TM9SF3: variants seen among roughly 807,000 people sequenced by gnomAD.
TM9SF3 encodes transmembrane 9 superfamily member 3, also known as SM-11044-binding protein.
In TM9SF3, 14 loss-of-function variants were observed where a neutral mutation model predicts 78.6. The ratio of observed to expected loss-of-function variants is 0.18; its 90% confidence interval spans 0.12 to 0.28. The LOEUF is 0.28. Ranked by LOEUF, TM9SF3 falls within the 10% of genes least tolerant of loss-of-function variation. TM9SF3 has a pLI of 1.00. For missense variants in TM9SF3, 496 were observed against 721.9 expected, an observed-to-expected ratio of 0.69 and a Z score of 3.59; for synonymous variants, 231 against 241.7, an observed-to-expected ratio of 0.96 and a Z score of 0.41.
intron 2 of TM9SF3, 39 bp from the exon 3 acceptor site, chr10:96,565,465 G>A: frequency 6.7e-7 from 1 of 1,501,068 alleles, no homozygotes; most frequent in Non-Finnish European, 8.8e-7. Context: ...CCACTAGTTT[G>A]CAAAATAGTT....
chr10:96,535,305 T>TC (rs1455793616), intron 9 of TM9SF3, among the ~76,000 whole-genome samples: 1 of 152,188 alleles, frequency 6.6e-6, no homozygotes, highest in Non-Finnish European at 1.5e-5. Flanking sequence ...TGAAAAATAC[T>TC]CTAAGATTGC....
At position 96,520,609 on chromosome 10, in the gene TM9SF3, A is replaced by C. The variant is rs199818369; in HGVS notation, c.*1654T>G. 6.0e-5 allele frequency: 3 copies of C among 50,204 alleles called. No homozygotes were observed. Among genetic ancestry groups the C allele is most frequent in the Non-Finnish European group, 1.4e-4 (3 of 20,912 alleles). The allele number at this position is 50,204 out of a possible 1,614,324, so 3.1% of individuals were successfully genotyped here. A position where few individuals can be genotyped will look rare whatever the true frequency, so the allele number is the denominator to read the frequency against. On this transcript the variant is annotated 3_prime_UTR_variant, in exon 15 of 15. Coordinates refer to ENST00000371142, the MANE Select transcript of TM9SF3 (RefSeq NM_020123.4). The stretch of plus-strand genomic sequence containing the variant: ...TTTGCATAGCAAACTATTAAACTAG[A>C]AACTCAGTGGTTCTAGGAAAACTTC...
intron 8 of TM9SF3, among the ~76,000 whole-genome samples, chr10:96,547,476 G>A (rs999616802): frequency 1.3e-5 from 2 of 152,128 alleles, no homozygotes; most frequent in African/African-American, 2.4e-5. Context: ...AAGCAAGACA[G>A]AACACACAAT....
chr10:96,564,068 G>C (rs1848342512), intron 3 of TM9SF3, among the ~76,000 whole-genome samples: 1 of 150,326 alleles, frequency 6.7e-6, no homozygotes, highest in African/African-American at 2.5e-5. Flanking sequence ...AGGATTGCTT[G>C]AAGCCAGAAG....
chr10:96,537,696 G>C (rs909798383), intron 9 of TM9SF3, among the ~76,000 whole-genome samples: 3 of 152,298 alleles, frequency 2.0e-5, no homozygotes, highest in African/African-American at 7.2e-5. Flanking sequence ...GCTGGGCGTG[G>C]TGACGTGCAC....
intron 2 of TM9SF3, among the ~76,000 whole-genome samples, chr10:96,566,942 G>A (rs1184407219): frequency 6.6e-6 from 1 of 152,156 alleles, no homozygotes; most frequent in African/African-American, 2.4e-5. Flanking sequence ...TGGCAGTAGG[G>A]TACCTCACAG....
At chr10:96,573,695 T>C (rs565732036) in intron 2 of TM9SF3, among the ~76,000 whole-genome samples, 3 of 152,132 alleles carry the variant, frequency 2.0e-5, no homozygotes, top group African/African-American at 7.2e-5. Context: ...GGGTTTAAGA[T>C]TGCCAAATAA....
At chr10:96,582,501 C>T (rs945089639) in intron 1 of TM9SF3, among the ~76,000 whole-genome samples, 91 of 152,200 alleles carry the variant, frequency 6.0e-4, no homozygotes, top group African/African-American at 2.1e-3. Flanking sequence ...CTTCCAAGTG[C>T]TTTGAGTTTT....
chr10:96,585,593 T>C (rs1415595296), intron 1 of TM9SF3, among the ~76,000 whole-genome samples: 2 of 152,242 alleles, frequency 1.3e-5, no homozygotes, highest in African/African-American at 2.4e-5. Context: ...AGAGCTTTTA[T>C]TAGCTAAAAT....
chr10:96,557,094 C>A (rs1848242737), intron 5 of TM9SF3, among the ~76,000 whole-genome samples: 1 of 152,204 alleles, frequency 6.6e-6, no homozygotes. Context: ...CATCTCCCTT[C>A]CTTAGCAATT....
chr10:96,579,997 G>A (rs1212319389), intron 1 of TM9SF3, among the ~76,000 whole-genome samples: 2 of 152,224 alleles, frequency 1.3e-5, no homozygotes, highest in East Asian at 3.8e-4. Flanking sequence ...CACAGTCTGT[G>A]GGAAGAGAGT....
At position 96,520,743 on chromosome 10, in the gene TM9SF3, T is replaced by C. The variant is rs986939227; in HGVS notation, c.*1520A>G. On this transcript the variant is annotated 3_prime_UTR_variant, in exon 15 of 15. Coordinates refer to ENST00000371142, the MANE Select transcript of TM9SF3 (RefSeq NM_020123.4). ...TTAACCACTTTTACCCCATCCCCACTTTACACGGTACACCAACCTGAACAG... is the reference window on the plus strand; with the variant it reads ...TTAACCACTTTTACCCCATCCCCACCTTACACGGTACACCAACCTGAACAG... 2.5e-6 allele frequency: 1 copy of C among 393,302 alleles called. No homozygotes were observed. Among genetic ancestry groups the C allele is most frequent in the Non-Finnish European group, 4.5e-6 (1 of 222,214 alleles). The allele number at this position is 393,302 out of a possible 1,614,324, so 24.4% of individuals were successfully genotyped here.
rs570468172 is a variant in TM9SF3, at chr10:96,519,902, T to A, written c.*2361A>T. On this transcript the variant is annotated 3_prime_UTR_variant, in exon 15 of 15. Coordinates refer to ENST00000371142, the MANE Select transcript of TM9SF3 (RefSeq NM_020123.4). ...TATTCATTTAATGCTCTTAATGTAT[T>A]TGGAAATCAGAAAATTATTTTTCAC... 1 of 152,058 alleles carries A rather than the reference T, an allele frequency of 6.6e-6. No homozygotes were observed. The highest frequency in any genetic ancestry group is 1.5e-5 in the Non-Finnish European group (1 of 67,836). 9.4% of individuals were successfully genotyped at this position (152,058 alleles called of 1,614,324 possible). A position where few individuals can be genotyped will look rare whatever the true frequency, so the allele number is the denominator to read the frequency against.
chr10:96,527,580 A>C (rs184608463), intron 12 of TM9SF3, 84 bp from the exon 13 acceptor site: 1 of 1,123,028 alleles, frequency 8.9e-7, no homozygotes, highest in East Asian at 2.5e-5. Context: ...GAATTTAATA[A>C]AACATCCTTT....
chr10:96,574,584 A>C lies in TM9SF3; in HGVS notation c.298+2050T>G, dbSNP rs181954332. On this transcript the variant is annotated intron_variant, in intron 2 of 14. Transcript: ENST00000371142. ...AATCCCATTACTGGGCATATACCCCAAAAATTATAAATCATTCTACTATAA... is the reference window on the plus strand; with the variant it reads ...AATCCCATTACTGGGCATATACCCCCAAAATTATAAATCATTCTACTATAA... Among the ~76,000 whole-genome samples, 7 of 152,322 alleles carry C rather than the reference A, an allele frequency of 4.6e-5. No homozygotes were observed. The South Asian group carries it at 1.0e-3, about 23-fold the overall frequency.
At chr10:96,573,565 T>TA (rs1343284356) in intron 2 of TM9SF3, among the ~76,000 whole-genome samples, 1 of 152,226 alleles carries the variant, frequency 6.6e-6, no homozygotes, top group African/African-American at 2.4e-5. Context: ...CTTCTTTTTT[T>TA]AATCTGAAAG....
rs1847916939 is a variant in TM9SF3, at chr10:96,533,133, T to C, written c.1243A>G (p.Ile415Val). The C allele has an allele frequency of 6.2e-7, 1 of 1,614,082 alleles. No homozygotes were observed. ...TGACCTGACAGATTTCGGCCAAGTA[T>C]TGTACCAACAAGATTTAGAGGAAGA... ...VILPLNLVGT[I>V]LGRNLSGQPN... The change falls in exon 10 of 15, where the codon ATA becomes GTA. Residue 415 changes from isoleucine (I) to valine (V), a missense_variant. Ile to Val is a conservative substitution (Grantham distance 29, BLOSUM62 3). Coordinates refer to ENST00000371142, the MANE Select transcript of TM9SF3 (RefSeq NM_020123.4).
At chr10:96,553,176 C>A in intron 5 of TM9SF3, 117 bp from the exon 6 acceptor site, 1 of 1,150,184 alleles carries the variant, frequency 8.7e-7, no homozygotes, top group Non-Finnish European at 1.1e-6. Context: ...TAATTAAATC[C>A]TTTAGACAAA....
In TM9SF3 at chr10:96,519,737, A is replaced by T. The variant is rs1014927757; in HGVS notation, c.*2526T>A. 3.9e-5 allele frequency: 6 copies of T among 151,908 alleles called. No homozygotes were observed. Among genetic ancestry groups the T allele is most frequent in the African/African-American group, 1.4e-4 (6 of 41,432 alleles). The allele number at this position is 151,908 out of a possible 1,614,324, so 9.4% of individuals were successfully genotyped here. On this transcript the variant is annotated 3_prime_UTR_variant, in exon 15 of 15. Transcript: ENST00000371142. ...ATTTTCTATTCTACAACTGAGCGCT[A>T]GGGAGCTAAACTATTTGTGAATTAC... is the stretch of plus-strand genomic sequence containing the variant.
Sources: allele counts gnomAD v4.1 joint callset (sites outside exome capture counted in the v4.1 genomes callset), GRCh38; gene constraint gnomAD v4.1.1; transcripts MANE v1.5; gene names NCBI Gene and HGNC (gene_info 2026-07-23, HGNC 2026-07-21).